Variants in CACNA1C observed in about 807,000 individuals in gnomAD.
The protein encoded by CACNA1C is voltage-dependent L-type calcium channel subunit alpha-1C.
In CACNA1C, 30 loss-of-function variants were observed where a neutral mutation model predicts 229.0. The ratio of observed to expected loss-of-function variants is 0.13; its 90% CI spans 0.10 to 0.18. CACNA1C has a LOEUF of 0.18. CACNA1C is among the 10% of genes least tolerant of loss of function. CACNA1C has a pLI of 1.00. For missense variants in CACNA1C, 1,658 were observed against 2,845.0 expected (o/e 0.58, Z 9.49); for synonymous variants, 1,114 against 1,132.5 (o/e 0.98, Z 0.33).
Position 2,575,137 on chromosome 12 carries a change from G to C in CACNA1C, c.1896-6453G>C, listed in dbSNP as rs1226130855. On this transcript the variant is annotated intron_variant, in intron 13 of 46. Coordinates refer to ENST00000399655, the MANE Select transcript of CACNA1C (RefSeq NM_000719.7). This position sits in a 1 kb window ranked among gnomAD's most constrained non-coding sequence, Gnocchi z 4.0. ...TGCAGGTTCCGTTCTTAATGTGACC[G>C]AGACATCTGCTGCAAACAGAGAAGA... Among the ~76,000 whole-genome samples, 1 of 152,202 alleles carries C rather than the reference G, an allele frequency of 6.6e-6. No individual in the cohort carries two copies. Among genetic ancestry groups the C allele is most frequent in the Admixed American group, 6.5e-5 (1 of 15,278 alleles).
At chr12:2,004,195 C>G (rs1258225978) in intron 1 of CACNA1C, 5 of 1,562,140 alleles carry the variant, frequency 3.2e-6, no homozygotes, top group Non-Finnish European at 3.5e-6. Context: ...GTCTCCTCCC[C>G]CTCACCGGGT....
intron 1 of CACNA1C, among the ~76,000 whole-genome samples, chr12:2,026,080 T>C (rs188834686): frequency 5.9e-5 from 9 of 152,326 alleles, no homozygotes; most frequent in Admixed American, 5.2e-4. Flanking sequence ...GGCATTCTTA[T>C]TGGCCTATTC....
At chr12:2,458,981 CTTTTTT>C (rs71057826) in intron 5 of CACNA1C, among the ~76,000 whole-genome samples, 4 of 105,616 alleles carry the variant, frequency 3.8e-5, no homozygotes, top group Admixed American at 2.2e-4. Context: ...CTTTTTCTTT[CTTTTTT>C]TTTTTTTTTT....
chr12:1,985,985 T>TA (rs2037591451), intron 1 of CACNA1C, among the ~76,000 whole-genome samples: 1 of 152,084 alleles, frequency 6.6e-6, no homozygotes, highest in South Asian at 2.1e-4. Flanking sequence ...TAATTTTGTT[T>TA]TGTATTTTTA....
chr12:2,622,615 C>T (rs902629520), intron 29 of CACNA1C, among the ~76,000 whole-genome samples: 6 of 152,146 alleles, frequency 3.9e-5, no homozygotes, highest in African/African-American at 1.2e-4. Flanking sequence ...AAGGAGTTTC[C>T]AAGACAGACC....
At chr12:2,545,611 G>A (rs1375737807) in intron 9 of CACNA1C, among the ~76,000 whole-genome samples, 2 of 151,958 alleles carry the variant, frequency 1.3e-5, no homozygotes, top group East Asian at 1.9e-4. Flanking sequence ...AAAATAAATA[G>A]CAAGTAATAC....
In CACNA1C at chr12:2,467,011, A is replaced by G. The variant is rs955485587; in HGVS notation, c.757+9305A>G. ...GGTCTTACAGGCCACATACCCTTAAACAACATGAGGGGACACTTACAAAGC... is the reference window on the plus strand; with the variant it reads ...GGTCTTACAGGCCACATACCCTTAAGCAACATGAGGGGACACTTACAAAGC... On this transcript the variant is annotated intron_variant, in intron 5 of 46. Transcript: ENST00000399655. The surrounding 1 kb of genome is among the most constrained non-coding windows in gnomAD (Gnocchi z 4.6). Among the ~76,000 whole-genome samples, 1 of 152,106 alleles carries G rather than the reference A, an allele frequency of 6.6e-6. No homozygotes were observed. The highest frequency in any genetic ancestry group is 1.5e-5 in the Non-Finnish European group (1 of 68,016).
rs1167191707 is a variant in CACNA1C at position 2,414,927 on chromosome 12, AG to A, written c.478-34045del. ...TGGCCCAAAGGCCAGTTCTTTTCCC[AG>A]GGGACCCAAAACAGGGCTTACCGCC... On this transcript the variant is annotated intron_variant, in intron 3 of 46. Coordinates refer to ENST00000399655, the MANE Select transcript of CACNA1C (RefSeq NM_000719.7). Among the ~76,000 whole-genome samples, 4 of 152,198 alleles carry A rather than the reference AG, an allele frequency of 2.6e-5. No homozygotes were observed. In the East Asian group the frequency reaches 7.8e-4, roughly 30 times the overall value.
At chr12:2,347,678 G>A (rs1410623072) in intron 3 of CACNA1C, among the ~76,000 whole-genome samples, 4 of 152,238 alleles carry the variant, frequency 2.6e-5, no homozygotes, top group Non-Finnish European at 5.9e-5. Flanking sequence ...ATTTGTGGGA[G>A]GGTTTGCCTT....
At chr12:2,343,636 C>T (rs770369390) in intron 3 of CACNA1C, among the ~76,000 whole-genome samples, 1 of 152,164 alleles carries the variant, frequency 6.6e-6, no homozygotes, top group Non-Finnish European at 1.5e-5. Context: ...TGGGCAGTGT[C>T]TGATCTGTAA....
chr12:2,373,675 C>A (rs1215921151), intron 3 of CACNA1C, among the ~76,000 whole-genome samples: 1 of 152,168 alleles, frequency 6.6e-6, no homozygotes, highest in Non-Finnish European at 1.5e-5. Flanking sequence ...GAAAGTATTT[C>A]AGAAGGGAAA....
At position 2,689,051 on chromosome 12, in the gene CACNA1C, T is replaced by C. The variant is rs935742838; in HGVS notation, c.6117+272T>C. On this transcript the variant is annotated intron_variant, in intron 46 of 46. Transcript: ENST00000399655. The surrounding 1 kb of genome is among the most constrained non-coding windows in gnomAD (Gnocchi z 4.2). Reference sequence around the variant, plus strand: ...TCCCTTATACTGCAGCTGCTCGACATGCAAATGTGAGCCTGGCTGCCTTTA... The same window carrying C: ...TCCCTTATACTGCAGCTGCTCGACACGCAAATGTGAGCCTGGCTGCCTTTA... Among the ~76,000 whole-genome samples, 1 of 152,114 alleles carries C rather than the reference T, an allele frequency of 6.6e-6. No homozygotes were observed. Among genetic ancestry groups the C allele is most frequent in the Non-Finnish European group, 1.5e-5 (1 of 68,006 alleles).
intron 30 of CACNA1C, among the ~76,000 whole-genome samples, chr12:2,638,235 G>C (rs4344551): frequency 5.3e-5 from 8 of 152,352 alleles, no homozygotes; most frequent in Admixed American, 1.3e-4. Flanking sequence ...GGGCTCCAAG[G>C]TGCTGGGGAG....
At chr12:2,517,244 T>G (rs1483182504) in intron 9 of CACNA1C, among the ~76,000 whole-genome samples, 1 of 152,232 alleles carries the variant, frequency 6.6e-6, no homozygotes, top group African/African-American at 2.4e-5. Flanking sequence ...GGAGCGTTGC[T>G]CTGCAGGCTT....
At position 2,475,262 on chromosome 12, in the gene CACNA1C, G is replaced by T. The variant is rs2099619791; in HGVS notation, c.758-10842G>T. Among the ~76,000 whole-genome samples, 3 of 151,834 alleles carry T rather than the reference G, an allele frequency of 2.0e-5. No homozygotes were observed. The South Asian group carries it at 6.3e-4, about 32-fold the overall frequency. On this transcript the variant is annotated intron_variant, in intron 5 of 46. Coordinates refer to ENST00000399655, the MANE Select transcript of CACNA1C (RefSeq NM_000719.7). ...TGCAGTGAGCCGAGATCACGCCACTGCACTCCAGCCTGGGCAACAGAGTGA... is the reference window on the plus strand; with the variant it reads ...TGCAGTGAGCCGAGATCACGCCACTTCACTCCAGCCTGGGCAACAGAGTGA...
chr12:2,101,043 C>T (rs1050622894), intron 1 of CACNA1C, among the ~76,000 whole-genome samples: 12 of 151,698 alleles, frequency 7.9e-5, no homozygotes, highest in Admixed American at 3.9e-4. Flanking sequence ...ATTGTGGTCC[C>T]ATTGTATATA....
Position 2,675,669 on chromosome 12 carries a change from G to A in CACNA1C, c.4828+1027G>A, listed in dbSNP as rs138498141. Among the ~76,000 whole-genome samples the A allele has an allele frequency of 1.5e-3, 236 of 152,318 alleles. 1 individual carries two copies. Among genetic ancestry groups the A allele is most frequent in the African/African-American group, 5.6e-3 (231 of 41,578 alleles). ...GTTGTATTCCTGGAAATTGTCAGGT[G>A]TGTTAAAACCATGCAAAACAATGTC... On this transcript the variant is annotated intron_variant, in intron 39 of 46. Transcript: ENST00000399655.
chr12:2,028,392 A>C (rs1425665712), intron 1 of CACNA1C, among the ~76,000 whole-genome samples: 1 of 152,190 alleles, frequency 6.6e-6, no homozygotes, highest in Non-Finnish European at 1.5e-5. Context: ...CCAACTTCTC[A>C]TTTTATAGAG....
At position 2,549,931 on chromosome 12, in the gene CACNA1C, T is replaced by G; in HGVS notation, c.1391-12T>G. ...CTCAATGCCTGGCTCTGCTTCCCTT[T>G]GACTCTTGCAGTGAGCATGCCCACC... On this transcript the variant is annotated splice_polypyrimidine_tract_variant and intron_variant, in intron 9 of 46. Coordinates refer to ENST00000399655, the MANE Select transcript of CACNA1C (RefSeq NM_000719.7). 6.3e-7 allele frequency: 1 copy of G among 1,586,462 alleles called. No individual in the cohort carries two copies. The highest frequency in any genetic ancestry group is 8.6e-7 in the Non-Finnish European group (1 of 1,163,694).
Sources: allele counts gnomAD v4.1 joint callset (sites outside exome capture counted in the v4.1 genomes callset), GRCh38; gene constraint gnomAD v4.1.1; non-coding constraint Gnocchi (gnomAD v3.1); transcripts MANE v1.5; gene names NCBI Gene and HGNC (gene_info 2026-07-23, HGNC 2026-07-21).